The following CYTH4 variants were observed in gnomAD, a reference collection of about 807,000 sequenced individuals.
The protein encoded by CYTH4 is cytohesin-4.
Under a neutral mutation model 57.5 loss-of-function variants are expected in CYTH4, and 22 were observed. The ratio of observed to expected loss-of-function variants is 0.38; its 90% CI spans 0.27 to 0.55. The LOEUF is 0.55. Among genes scored for constraint, CYTH4 ranks in the 20% least tolerant of loss-of-function variants. The pLI is 0.74. For missense variants in CYTH4, 420 were observed against 535.6 expected (o/e 0.78, Z 2.13); for synonymous variants, 186 against 206.5 (o/e 0.90, Z 0.85).
chr22:37,312,142 C>T lies in CYTH4; in HGVS notation c.1080C>T (p.Ala360=), dbSNP rs753682633. ...HESYRISATS[A]EERDQWIESI... ...CGTACCGCATCTCAGCCACCAGTGC[C>T]GAGGAACGTGACCAGTGGATCGAGT... The change falls in exon 12 of 13, where the codon GCC becomes GCT. Residue 360 remains alanine, a synonymous_variant. Transcript: ENST00000248901. 75 of 1,614,116 alleles carry T rather than the reference C, an allele frequency of 4.6e-5. No homozygotes were observed. In the Admixed American group the frequency reaches 6.0e-4, roughly 13 times the overall value.
intron 2 of CYTH4, among the ~76,000 whole-genome samples, 177 bp from the exon 3 acceptor site, chr22:37,294,483 A>C (rs1928877619): frequency 6.6e-6 from 1 of 152,070 alleles, no homozygotes; most frequent in African/African-American, 2.4e-5. Context: ...TGAGACATCC[A>C]GGGAGGGGAC....
chr22:37,300,513 C>T (rs1692205976), intron 6 of CYTH4, among the ~76,000 whole-genome samples: 1 of 152,146 alleles, frequency 6.6e-6, no homozygotes, highest in Non-Finnish European at 1.5e-5. Context: ...CCTAGCAAGG[C>T]AAAACCCCTG....
rs1929076821 is a variant in CYTH4, at chr22:37,298,928, G to A, written c.354-298G>A. On this transcript the variant is annotated intron_variant, in intron 5 of 12. Coordinates refer to ENST00000248901, the MANE Select transcript of CYTH4 (RefSeq NM_013385.5). This position sits in a 1 kb window ranked among gnomAD's most constrained non-coding sequence, Gnocchi z 4.1. Reference sequence around the variant, plus strand: ...CTTCCGCGAGGTCACCAGGTGGGAAGTTACAGGAAATGAGGAAGGCCTGGA... The same window carrying A: ...CTTCCGCGAGGTCACCAGGTGGGAAATTACAGGAAATGAGGAAGGCCTGGA... 6.6e-6 allele frequency among the ~76,000 whole-genome samples: 1 copy of A among 152,170 alleles called. No individual in the cohort carries two copies. The highest frequency in any genetic ancestry group is 2.4e-5 in the African/African-American group (1 of 41,442).
At chr22:37,306,315 T>C (rs945497239) in intron 8 of CYTH4, among the ~76,000 whole-genome samples, 2 of 152,192 alleles carry the variant, frequency 1.3e-5, no homozygotes, top group African/African-American at 4.8e-5. Flanking sequence ...TCTTCTGCCA[T>C]AGGCAGCCCT....
In CYTH4 at chr22:37,315,169, G is replaced by T. The variant is rs534897917; in HGVS notation, c.*1658G>T. 6.6e-6 allele frequency: 1 copy of T among 152,482 alleles called. No homozygotes were observed. Among genetic ancestry groups the T allele is most frequent in the South Asian group, 2.1e-4 (1 of 4,820 alleles). 9.4% of individuals were successfully genotyped at this position (152,482 alleles called of 1,614,324 possible). The stretch of plus-strand genomic sequence containing the variant: ...AGGAGCACTGGGCTAGGGGTCAGGG[G>T]TCAGAGATTCTGTCCTGCTCCTGGG... On this transcript the variant is annotated 3_prime_UTR_variant, in exon 13 of 13. Coordinates refer to ENST00000248901, the MANE Select transcript of CYTH4 (RefSeq NM_013385.5).
At chr22:37,297,242 A>G (rs933698659) in intron 4 of CYTH4, among the ~76,000 whole-genome samples, 9 of 152,216 alleles carry the variant, frequency 5.9e-5, no homozygotes, top group Non-Finnish European at 1.2e-4. Context: ...GAATCATTGA[A>G]TCTCAGAATC....
In CYTH4 at chr22:37,311,412, G is replaced by C. The variant is rs768056514; in HGVS notation, c.886-44G>C. The C allele has an allele frequency of 6.4e-7, 1 of 1,571,968 alleles. No homozygotes were observed. Among genetic ancestry groups the C allele is most frequent in the Non-Finnish European group, 8.8e-7 (1 of 1,141,914 alleles). ...GTTCACACCCTGCCTTGGGCCTCAG[G>C]GTTCCGCTTCCTGACCCTGACCTTC... On this transcript the variant is annotated intron_variant, in intron 10 of 12. Coordinates refer to ENST00000248901, the MANE Select transcript of CYTH4 (RefSeq NM_013385.5). This position sits in a 1 kb window ranked among gnomAD's most constrained non-coding sequence, Gnocchi z 4.4.
At chr22:37,293,968 C>T (rs865938682) in intron 2 of CYTH4, among the ~76,000 whole-genome samples, 1 of 151,564 alleles carries the variant, frequency 6.6e-6, no homozygotes, top group Non-Finnish European at 1.5e-5. Flanking sequence ...GCTGCCTGTG[C>T]GTGGTGTCCC....
chr22:37,292,851 G>C, intron 2 of CYTH4, 148 bp downstream of exon 2: 1 of 721,642 alleles, frequency 1.4e-6, no homozygotes, highest in Non-Finnish European at 2.2e-6. Context: ...CCAGGAGCAG[G>C]GAGAACAACA....
chr22:37,292,884 C>G (rs941926135), intron 2 of CYTH4, among the ~76,000 whole-genome samples, 181 bp downstream of exon 2: 1 of 152,150 alleles, frequency 6.6e-6, no homozygotes, highest in African/African-American at 2.4e-5. Context: ...CCCCGAGACC[C>G]AGGGAGAACT....
intron 1 of CYTH4, among the ~76,000 whole-genome samples, chr22:37,287,013 G>T (rs191898726): frequency 1.3e-5 from 2 of 152,304 alleles, no homozygotes; most frequent in African/African-American, 4.8e-5. Context: ...TGACAGCCAG[G>T]TGGGAGTCAG....
chr22:37,309,364 T>C (rs1452646989), intron 9 of CYTH4, 41 bp downstream of exon 9: 25 of 1,567,646 alleles, frequency 1.6e-5, no homozygotes, highest in Admixed American at 3.3e-5. Flanking sequence ...CACACACTCA[T>C]GCACGCGCGG....
rs1441898517 is a variant in CYTH4, at chr22:37,295,464, G to A, written c.168-535G>A. Among the ~76,000 whole-genome samples, 3 of 151,420 alleles carry A rather than the reference G, an allele frequency of 2.0e-5. No individual in the cohort carries two copies. Among genetic ancestry groups the A allele is most frequent in the Admixed American group, 6.6e-5 (1 of 15,230 alleles). On this transcript the variant is annotated intron_variant, in intron 3 of 12. Coordinates refer to ENST00000248901, the MANE Select transcript of CYTH4 (RefSeq NM_013385.5). This position sits in a 1 kb window ranked among gnomAD's most constrained non-coding sequence, Gnocchi z 4.1. The stretch of plus-strand genomic sequence containing the variant: ...CACACAAGCATGCACACACACGAGT[G>A]GCCGTTTCTCCAGCTCCCCTGTTCC...
At chr22:37,290,351 T>C (rs539353020) in intron 1 of CYTH4, among the ~76,000 whole-genome samples, 64 of 152,308 alleles carry the variant, frequency 4.2e-4, no homozygotes, top group African/African-American at 1.5e-3. Flanking sequence ...GGTGTTTTAA[T>C]GTGGAACCAG....
At chr22:37,293,197 G>C (rs1285338987) in intron 2 of CYTH4, among the ~76,000 whole-genome samples, 1 of 152,224 alleles carries the variant, frequency 6.6e-6, no homozygotes, top group East Asian at 1.9e-4. Flanking sequence ...CTTTGCACTC[G>C]CAGTCCCCTC....
At chr22:37,286,757 C>T (rs774557908) in intron 1 of CYTH4, among the ~76,000 whole-genome samples, 6 of 151,908 alleles carry the variant, frequency 3.9e-5, no homozygotes, top group African/African-American at 1.2e-4. Flanking sequence ...GGAGCTGGGA[C>T]GGGGAGGGGC....
chr22:37,284,308 C>G (rs1310991872), intron 1 of CYTH4, among the ~76,000 whole-genome samples: 1 of 152,110 alleles, frequency 6.6e-6, no homozygotes. Context: ...GGGCCTAACC[C>G]TGGGGGACAG....
intron 8 of CYTH4, among the ~76,000 whole-genome samples, chr22:37,307,587 G>A (rs1929448829): frequency 6.6e-6 from 1 of 152,124 alleles, no homozygotes; most frequent in Admixed American, 6.6e-5. Flanking sequence ...GGTCAGAAAG[G>A]ACCTTAAAGA....
At position 37,303,250 on chromosome 22, in the gene CYTH4, G is replaced by A. The variant is rs374106882; in HGVS notation, c.548-4G>A. ...CAGAACTGTGACCGCTGTCCCCTCC[G>A]CAGACACCTGCTACGTGTTGTCCTT... On this transcript the variant is annotated splice_polypyrimidine_tract_variant and splice_region_variant and intron_variant, in intron 7 of 12. Coordinates refer to ENST00000248901, the MANE Select transcript of CYTH4 (RefSeq NM_013385.5). 9.9e-6 allele frequency: 16 copies of A among 1,613,820 alleles called. 1 individual carries two copies. The highest frequency in any genetic ancestry group is 1.6e-4 in the Middle Eastern group (1 of 6,080).
Sources: gnomAD v4.1 joint callset for allele counts (sites outside exome capture counted in the v4.1 genomes callset) on GRCh38, gnomAD v4.1.1 for gene constraint, Gnocchi (gnomAD v3.1) non-coding constraint, MANE v1.5 for transcripts, NCBI Gene and HGNC (gene_info 2026-07-23, HGNC 2026-07-21) for gene names.